Variants in NT5DC1 observed in about 807,000 individuals in gnomAD.
The protein encoded by NT5DC1 is 5'-nucleotidase domain-containing protein 1.
In NT5DC1, 42 loss-of-function variants were observed where a neutral mutation model predicts 59.4. That is an observed-to-expected ratio of 0.71 (90% CI 0.55 to 0.92). The LOEUF (loss-of-function observed/expected upper bound fraction) is 0.92. Ranked by LOEUF, NT5DC1 falls within the 40% of genes least tolerant of loss-of-function variation. The probability of loss-of-function intolerance (pLI) is 0.00; values close to 1 mark genes in which losing one functional copy is unlikely to be tolerated. For synonymous variants in NT5DC1, 172 were observed against 188.1 expected (o/e 0.91, Z 0.70); for missense variants, 501 against 537.1 (o/e 0.93, Z 0.66).
In NT5DC1 at chr6:116,146,013, C is replaced by T. The variant is rs144118504; in HGVS notation, c.529+28068C>T. ...CCTTACTTACTTCTGGAAAGCACCACAGAAGTAAAAGGATGTCCTCCTCGT... is the reference window on the plus strand; with the variant it reads ...CCTTACTTACTTCTGGAAAGCACCATAGAAGTAAAAGGATGTCCTCCTCGT... On this transcript the variant is annotated intron_variant, in intron 6 of 11. Transcript: ENST00000319550. 2.6e-3 allele frequency among the ~76,000 whole-genome samples: 395 copies of T among 152,336 alleles called. 10 individuals are homozygous for T. In the South Asian group the frequency reaches 0.043, roughly 17 times the overall value.
intron 6 of NT5DC1, among the ~76,000 whole-genome samples, chr6:116,138,378 T>C (rs886779228): frequency 6.6e-6 from 1 of 152,204 alleles, no homozygotes; most frequent in Non-Finnish European, 1.5e-5. Flanking sequence ...ACTACTGTGT[T>C]GGCTATTCCT....
intron 6 of NT5DC1, among the ~76,000 whole-genome samples, chr6:116,143,581 A>G (rs1189232290): frequency 2.0e-5 from 3 of 152,112 alleles, no homozygotes; most frequent in South Asian, 4.1e-4. Flanking sequence ...TTTTAATCCT[A>G]TGAAAATTTC....
chr6:116,144,254 G>A (rs571716467), intron 6 of NT5DC1, among the ~76,000 whole-genome samples: 50 of 152,288 alleles, frequency 3.3e-4, no homozygotes, highest in African/African-American at 1.2e-3. Context: ...CTGTATCCCA[G>A]CACTTTGGGA....
chr6:116,163,141 A>ATATAT (rs1554197064), intron 6 of NT5DC1, among the ~76,000 whole-genome samples: 17 of 88,394 alleles, frequency 1.9e-4, no homozygotes, highest in East Asian at 1.8e-3. Flanking sequence ...AAAAAAAAAA[A>ATATAT]ATATATATAT....
In NT5DC1 at chr6:116,165,195, A is replaced by G. The variant is rs1311615504; in HGVS notation, c.529+47250A>G. 3.9e-5 allele frequency among the ~76,000 whole-genome samples: 6 copies of G among 151,966 alleles called. 1 individual carries two copies. The East Asian group carries it at 7.7e-4, about 19-fold the overall frequency. On this transcript the variant is annotated intron_variant, in intron 6 of 11. Transcript: ENST00000319550. ...TCTTCTGGCTTGTCAGTTTCTGCTA[A>G]GAAATCTGCTGTTAGTCTGATAGGA...
At chr6:116,149,391 T>C (rs544868094) in intron 6 of NT5DC1, among the ~76,000 whole-genome samples, 1 of 152,322 alleles carries the variant, frequency 6.6e-6, no homozygotes, top group Non-Finnish European at 1.5e-5. Flanking sequence ...ACAGTGTGTC[T>C]TTACCAAACT....
chr6:116,204,118 G>A (rs117984163), intron 6 of NT5DC1, among the ~76,000 whole-genome samples: 1,616 of 152,018 alleles, frequency 0.011, 16 homozygotes, highest in Middle Eastern at 0.024. Context: ...GGGTAAGGGA[G>A]AGGACGATGC....
rs564561468 is a variant in NT5DC1, at chr6:116,122,992, G to T, written c.529+5047G>T. 2.6e-5 allele frequency among the ~76,000 whole-genome samples: 4 copies of T among 152,238 alleles called. No individual in the cohort carries two copies. The South Asian group carries it at 6.2e-4, about 24-fold the overall frequency. On this transcript the variant is annotated intron_variant, in intron 6 of 11. Coordinates refer to ENST00000319550, the MANE Select transcript of NT5DC1 (RefSeq NM_152729.3). Reference sequence around the variant, plus strand: ...TTCATTGATTGTAGTGTACATACATGATTATATTATGTATAAGTGGATATT... The same window carrying T: ...TTCATTGATTGTAGTGTACATACATTATTATATTATGTATAAGTGGATATT...
At chr6:116,119,307 C>T (rs925773379) in intron 6 of NT5DC1, 1 of 152,492 alleles carries the variant, frequency 6.6e-6, no homozygotes, top group African/African-American at 2.4e-5. Flanking sequence ...TCAAATTAAT[C>T]ACACTTGTGT....
intron 6 of NT5DC1, among the ~76,000 whole-genome samples, chr6:116,217,159 T>C (rs1299536349): frequency 3.3e-5 from 5 of 152,186 alleles, no homozygotes; most frequent in African/African-American, 1.2e-4. Context: ...AAAACTGTTT[T>C]TAATATTCAG....
chr6:116,157,800 A>G (rs1391028459), intron 6 of NT5DC1, among the ~76,000 whole-genome samples: 2 of 152,216 alleles, frequency 1.3e-5, no homozygotes, highest in African/African-American at 4.8e-5. Flanking sequence ...AAAACTGATA[A>G]TAAGACCACC....
intron 6 of NT5DC1, among the ~76,000 whole-genome samples, chr6:116,181,630 A>G (rs767862695): frequency 3.3e-5 from 5 of 152,128 alleles, no homozygotes; most frequent in Non-Finnish European, 5.9e-5. Context: ...AATCAGTTGT[A>G]TATCCAGATC....
chr6:116,181,244 A>G (rs1400565252), intron 6 of NT5DC1, among the ~76,000 whole-genome samples: 1 of 152,070 alleles, frequency 6.6e-6, no homozygotes, highest in African/African-American at 2.4e-5. Flanking sequence ...ATAAATAAAT[A>G]TAGTAAACAT....
At chr6:116,126,626 A>G (rs1031274350) in intron 6 of NT5DC1, among the ~76,000 whole-genome samples, 1 of 152,092 alleles carries the variant, frequency 6.6e-6, no homozygotes, top group Non-Finnish European at 1.5e-5. Context: ...GCTGACCCCA[A>G]TTCTTAATTA....
chr6:116,231,388 T>C (rs1472161131), intron 8 of NT5DC1, among the ~76,000 whole-genome samples: 1 of 152,110 alleles, frequency 6.6e-6, no homozygotes, highest in Non-Finnish European at 1.5e-5. Flanking sequence ...TTTGGTCAAA[T>C]TTACATATAT....
At chr6:116,125,185 C>T (rs1779257763) in intron 6 of NT5DC1, among the ~76,000 whole-genome samples, 1 of 152,176 alleles carries the variant, frequency 6.6e-6, no homozygotes, top group Admixed American at 6.5e-5. Context: ...TCTTGTTCTA[C>T]TTTTTTCACA....
intron 6 of NT5DC1, among the ~76,000 whole-genome samples, chr6:116,168,909 T>C (rs183642550): frequency 7.3e-4 from 111 of 152,308 alleles, no homozygotes; most frequent in Admixed American, 1.8e-3. Context: ...CTTCAGGCCA[T>C]TGAGAGCTGT....
At chr6:116,143,377 A>AT (rs1779814883) in intron 6 of NT5DC1, among the ~76,000 whole-genome samples, 1 of 151,774 alleles carries the variant, frequency 6.6e-6, no homozygotes, top group Non-Finnish European at 1.5e-5. Flanking sequence ...TACCCAGCTA[A>AT]TTTTTTTTGT....
In NT5DC1 at chr6:116,120,078, T is replaced by C. The variant is rs145003921; in HGVS notation, c.529+2133T>C. 6.1e-5 allele frequency: 98 copies of C among 1,613,176 alleles called. No homozygotes were observed. Among genetic ancestry groups the C allele is most frequent in the Admixed American group, 1.0e-4 (6 of 59,988 alleles). The stretch of plus-strand genomic sequence containing the variant: ...TAGATTAGCTCTGTGTGTACTCACA[T>C]TGGAGCCACTAGGAATCCTGAGAAA... On this transcript the variant is annotated intron_variant, in intron 6 of 11. Transcript: ENST00000319550.
Sources: allele counts gnomAD v4.1 joint callset (sites outside exome capture counted in the v4.1 genomes callset), GRCh38; gene constraint gnomAD v4.1.1; transcripts MANE v1.5; gene names NCBI Gene and HGNC (gene_info 2026-07-23, HGNC 2026-07-21).